The following SVIL variants were observed in gnomAD, a reference collection of about 807,000 sequenced individuals.
SVIL encodes the protein archvillin.
SVIL carries 101 observed loss-of-function variants against 240.4 expected under a neutral mutation model. That is an observed-to-expected ratio of 0.42 (90% CI 0.36 to 0.50). The LOEUF is 0.50. SVIL is among the 20% of genes least tolerant of loss of function. The pLI is 0.01. For missense variants in SVIL, 2,512 were observed against 2,818.7 expected, an observed-to-expected ratio of 0.89 and a Z score of 2.46; for synonymous variants, 999 against 1,100.0, an observed-to-expected ratio of 0.91 and a Z score of 1.82.
At chr10:29,474,538 T>A (rs1945956696) in intron 29 of SVIL, among the ~76,000 whole-genome samples, 1 of 152,062 alleles carries the variant, frequency 6.6e-6, no homozygotes, top group South Asian at 2.1e-4. Context: ...GAGACCGCAG[T>A]TAGCCATGAT....
intron 31 of SVIL, 148 bp downstream of exon 31, chr10:29,470,990 A>G (rs1305542405): frequency 2.7e-6 from 2 of 736,380 alleles, no homozygotes; most frequent in Non-Finnish European, 4.7e-6. Context: ...GCACCCATAG[A>G]GCTGAGTTAT....
At position 29,735,642 on chromosome 10, in the gene SVIL, G is replaced by T. The variant is rs1964863939; in HGVS notation, c.-400+109C>A. On this transcript the variant is annotated intron_variant, in intron 1 of 35. Transcript: ENST00000375400. This position sits in a 1 kb window ranked among gnomAD's most constrained non-coding sequence, Gnocchi z 4.1. ...GCAGGGCCTCCCGCAGCCAGAGCGA[G>T]ACTGACCCGCGCCTCCCGCCCCGGA... 6.6e-6 allele frequency: 1 copy of T among 151,684 alleles called. No individual in the cohort carries two copies. The highest frequency in any genetic ancestry group is 6.6e-5 in the Admixed American group (1 of 15,242). The allele number at this position is 151,684 out of a possible 1,614,324, so 9.4% of individuals were successfully genotyped here.
intron 35 of SVIL, 137 bp from the exon 36 acceptor site, chr10:29,462,538 A>G (rs1189840934): frequency 8.8e-7 from 1 of 1,141,706 alleles, no homozygotes; most frequent in East Asian, 2.4e-5. Flanking sequence ...GTTCATAACA[A>G]CACATGGATA....
intron 1 of SVIL, among the ~76,000 whole-genome samples, chr10:29,574,787 G>A (rs1263480202): frequency 1.3e-5 from 2 of 152,290 alleles, no homozygotes; most frequent in East Asian, 3.9e-4. Context: ...GGATGTCGCT[G>A]GTAAAGGGGC....
chr10:29,619,557 C>G (rs1424770540), intron 1 of SVIL, among the ~76,000 whole-genome samples: 31 of 152,188 alleles, frequency 2.0e-4, no homozygotes, highest in Admixed American at 2.0e-3. Flanking sequence ...GCCCTGCTTT[C>G]CAAAGCCCAC....
intron 3 of SVIL, among the ~76,000 whole-genome samples, chr10:29,644,978 G>A (rs1958609851): frequency 6.6e-6 from 1 of 151,480 alleles, no homozygotes; most frequent in South Asian, 2.1e-4. Context: ...TGGGGTAGGT[G>A]GAGGACACTA....
intron 1 of SVIL, among the ~76,000 whole-genome samples, chr10:29,615,114 C>T (rs954323748): frequency 2.0e-5 from 3 of 152,130 alleles, no homozygotes; most frequent in Non-Finnish European, 2.9e-5. Flanking sequence ...AGAAGGCCCA[C>T]AGTCAGACTT....
chr10:29,564,159 A>T (rs1463047005), intron 2 of SVIL, among the ~76,000 whole-genome samples: 2 of 152,076 alleles, frequency 1.3e-5, no homozygotes, highest in East Asian at 3.9e-4. Context: ...CTCCCACAGG[A>T]CTCACTGAAC....
intron 18 of SVIL, among the ~76,000 whole-genome samples, chr10:29,498,401 A>C (rs1252245077): frequency 6.6e-6 from 1 of 151,872 alleles, no homozygotes; most frequent in Non-Finnish European, 1.5e-5. Context: ...CTGGGCAACA[A>C]GAGTGAAACT....
intron 6 of SVIL, chr10:29,545,036 C>T (rs1318868079): frequency 7.5e-6 from 4 of 534,680 alleles, no homozygotes; most frequent in East Asian, 5.5e-5. Context: ...ATTCCGCAGC[C>T]TGTGTCAGAA....
At chr10:29,547,246 T>C (rs777796492) in intron 6 of SVIL, among the ~76,000 whole-genome samples, 5 of 152,198 alleles carry the variant, frequency 3.3e-5, no homozygotes, top group Non-Finnish European at 7.3e-5. Flanking sequence ...GTCATTACAA[T>C]GTAAATCTTA....
chr10:29,714,997 A>G (rs1010177745), intron 1 of SVIL, among the ~76,000 whole-genome samples: 1 of 151,704 alleles, frequency 6.6e-6, no homozygotes, highest in Middle Eastern at 3.4e-3. Context: ...AAGAGAAGGA[A>G]GGAAGGAAGA....
intron 1 of SVIL, among the ~76,000 whole-genome samples, chr10:29,576,525 T>C (rs1233439902): frequency 6.6e-6 from 1 of 152,236 alleles, no homozygotes; most frequent in Non-Finnish European, 1.5e-5. Context: ...TTCTGATATA[T>C]ACATACCCCA....
In SVIL at chr10:29,494,941, T is replaced by G; in HGVS notation, c.3814A>C (p.Thr1272Pro). Residue 1272 changes from threonine to proline, a missense_variant, in exon 20 of 38, where the codon ACC (threonine) becomes CCC (proline). Thr to Pro is a conservative substitution (Grantham distance 38, BLOSUM62 -1). This residue lies in a region of SVIL where 272 missense variants were observed against 406.8 expected (regional missense o/e 0.67). Transcript: ENST00000355867. ...ESDLKLDRLE[T>P]FLRRLNNKVG... ...TTGTTATTCAGCCTTCTTAGAAAGG[T>G]TTCCAGCCTGTCCAACTTCAGGTCC... 1 of 1,614,052 alleles carries G rather than the reference T, an allele frequency of 6.2e-7. No individual in the cohort carries two copies. Among genetic ancestry groups the G allele is most frequent in the African/African-American group, 1.3e-5 (1 of 74,986 alleles).
Position 29,735,443 on chromosome 10 carries a change from C to A in SVIL, c.-400+308G>T, listed in dbSNP as rs1418091524. On this transcript the variant is annotated intron_variant, in intron 1 of 35. Transcript: ENST00000375400. This position sits in a 1 kb window ranked among gnomAD's most constrained non-coding sequence, Gnocchi z 4.1. Reference sequence around the variant, plus strand: ...CGCGGAGAGAAACCCTGCCCCGGCCCGCTCCTCCCCGAGGCGCGCTCCGGG... The same window carrying A: ...CGCGGAGAGAAACCCTGCCCCGGCCAGCTCCTCCCCGAGGCGCGCTCCGGG... 3.9e-5 allele frequency among the ~76,000 whole-genome samples: 6 copies of A among 152,062 alleles called. No individual in the cohort carries two copies. Among genetic ancestry groups the A allele is most frequent in the Admixed American group, 3.9e-4 (6 of 15,278 alleles).
intron 1 of SVIL, among the ~76,000 whole-genome samples, chr10:29,687,519 C>T (rs1186907450): frequency 2.0e-5 from 3 of 152,184 alleles, no homozygotes; most frequent in African/African-American, 7.2e-5. Context: ...TGGCAAAACC[C>T]CCGTCTCTAC....
rs1001436033 is a variant in SVIL at position 29,487,459 on chromosome 10, A to C, written c.4349-160T>G. The stretch of plus-strand genomic sequence containing the variant: ...AGGGTGGCAGCAGGGGGATTTAGAA[A>C]GGGCATGATGATGGCACTAGCGGCT... On this transcript the variant is annotated intron_variant, in intron 23 of 37. Coordinates refer to ENST00000355867, the MANE Select transcript of SVIL (RefSeq NM_021738.3). 1.1e-5 allele frequency: 9 copies of C among 788,828 alleles called. No individual in the cohort carries two copies. The African/African-American group carries it at 1.6e-4, about 14-fold the overall frequency. 48.9% of individuals were successfully genotyped at this position (788,828 alleles called of 1,614,324 possible).
rs1247445 is a variant in SVIL at position 29,630,111 on chromosome 10, A to C, written c.-201+4309T>G. On this transcript the variant is annotated intron_variant, in intron 1 of 37. Coordinates refer to ENST00000355867, the MANE Select transcript of SVIL (RefSeq NM_021738.3). ...CTGACTGGTAAAATAGCTCCATTAC[A>C]TCCCTGTCCGAGACACTCTGGGAAA... 3.3e-4 allele frequency among the ~76,000 whole-genome samples: 50 copies of C among 152,062 alleles called. 1 individual carries two copies. In the South Asian group the frequency reaches 0.01, roughly 31 times the overall value.
At chr10:29,610,012 C>T (rs532809206) in intron 1 of SVIL, among the ~76,000 whole-genome samples, 1 of 152,316 alleles carries the variant, frequency 6.6e-6, no homozygotes, top group East Asian at 1.9e-4. Context: ...GACACTGTGA[C>T]CTCCCTCCCC....
Sources: allele counts gnomAD v4.1 joint callset (sites outside exome capture counted in the v4.1 genomes callset), GRCh38; gene constraint gnomAD v4.1.1; regional missense constraint gnomAD v4.1.1; non-coding constraint Gnocchi (gnomAD v3.1); transcripts MANE v1.5; gene names NCBI Gene and HGNC (gene_info 2026-07-23, HGNC 2026-07-21).